The following HSF5 variants were observed in gnomAD, a reference collection of about 807,000 sequenced individuals.
The protein encoded by HSF5 is heat shock transcription factor 5.
Under a neutral mutation model 50.8 loss-of-function variants are expected in HSF5, and 5 were observed. The observed-to-expected ratio is 0.10, with a 90% CI of 0.05 to 0.21. HSF5 has a LOEUF of 0.21. Among genes scored for constraint, HSF5 ranks in the 10% least tolerant of loss-of-function variants. HSF5 has a pLI of 1.00. For missense variants in HSF5, 564 were observed against 762.6 expected (o/e 0.74, Z 3.07); for synonymous variants, 307 against 307.4 (o/e 1.00, Z 0.02).
rs149585316 is a variant in HSF5, at chr17:58,471,901, G to A, written c.926-4922C>T. ...CAGGGTCTTGATCTGTTGCCGAGGC[G>A]GGAGTGCAGTGGCGCGATCTCAGCT... is the stretch of plus-strand genomic sequence containing the variant. On this transcript the variant is annotated intron_variant, in intron 2 of 5. Transcript: ENST00000323777. Among the ~76,000 whole-genome samples, 901 of 152,110 alleles carry A rather than the reference G, an allele frequency of 5.9e-3. 5 individuals are homozygous for A. Among genetic ancestry groups the A allele is most frequent in the African/African-American group, 9.7e-3 (403 of 41,504 alleles).
intron 5 of HSF5, among the ~76,000 whole-genome samples, chr17:58,428,382 A>G (rs1441175597): frequency 1.3e-5 from 2 of 152,138 alleles, no homozygotes; most frequent in African/African-American, 4.8e-5. Flanking sequence ...AATGAAGGCC[A>G]GGCGCGGTGG....
chr17:58,451,621 T>G (rs1792077639), intron 5 of HSF5, among the ~76,000 whole-genome samples: 1 of 152,046 alleles, frequency 6.6e-6, no homozygotes, highest in African/African-American at 2.4e-5. Context: ...AAAGAAAATT[T>G]AAAAATTCCT....
chr17:58,426,714 T>C (rs1391164387), intron 5 of HSF5, among the ~76,000 whole-genome samples: 4 of 152,216 alleles, frequency 2.6e-5, no homozygotes, highest in Non-Finnish European at 5.9e-5. Context: ...ACAATGAGAT[T>C]AATATTTGGG....
At chr17:58,451,626 A>AG (rs1974642738) in intron 5 of HSF5, among the ~76,000 whole-genome samples, 2 of 152,218 alleles carry the variant, frequency 1.3e-5, no homozygotes, top group Non-Finnish European at 1.5e-5. Flanking sequence ...AAATTTAAAA[A>AG]TTCCTTGAGA....
chr17:58,422,575 G>T, intron 5 of HSF5, 145 bp from the exon 6 acceptor site: 1 of 578,508 alleles, frequency 1.7e-6, no homozygotes, highest in East Asian at 3.0e-5. Context: ...CTCAATTTCG[G>T]GATATTCCTG....
At chr17:58,438,244 A>C (rs1974452389) in intron 5 of HSF5, among the ~76,000 whole-genome samples, 1 of 152,222 alleles carries the variant, frequency 6.6e-6, no homozygotes, top group African/African-American at 2.4e-5. Flanking sequence ...ACTGTATTAC[A>C]ATTGCTTACA....
intron 5 of HSF5, among the ~76,000 whole-genome samples, chr17:58,431,777 GTA>G (rs1974368007): frequency 6.6e-6 from 1 of 152,196 alleles, no homozygotes; most frequent in Non-Finnish European, 1.5e-5. Context: ...CAGGCATTCA[GTA>G]AGTACTTGCT....
At chr17:58,429,500 C>T (rs563266424) in intron 5 of HSF5, among the ~76,000 whole-genome samples, 3 of 152,150 alleles carry the variant, frequency 2.0e-5, no homozygotes, top group African/African-American at 7.2e-5. Context: ...TACCACTGCA[C>T]CCCAGCTTGG....
At chr17:58,461,817 C>T (rs1387855451) in intron 4 of HSF5, among the ~76,000 whole-genome samples, 2 of 152,112 alleles carry the variant, frequency 1.3e-5, no homozygotes, top group African/African-American at 4.8e-5. Flanking sequence ...CTGCAGTGAG[C>T]TGAGATTGCA....
intron 3 of HSF5, among the ~76,000 whole-genome samples, chr17:58,466,534 T>A (rs1205461851): frequency 6.6e-6 from 1 of 152,218 alleles, no homozygotes; most frequent in Non-Finnish European, 1.5e-5. Context: ...AAGTATGGAA[T>A]AATTTTTAAA....
At chr17:58,435,031 C>A (rs1974408368) in intron 5 of HSF5, among the ~76,000 whole-genome samples, 2 of 152,042 alleles carry the variant, frequency 1.3e-5, no homozygotes, top group African/African-American at 4.8e-5. Flanking sequence ...TGGAAGTAGA[C>A]TGATAAATAT....
chr17:58,434,117 T>C (rs897811600), intron 5 of HSF5, among the ~76,000 whole-genome samples: 1 of 151,638 alleles, frequency 6.6e-6, no homozygotes, highest in African/African-American at 2.4e-5. Flanking sequence ...TTCACCATAT[T>C]GGCCAGGTTG....
At chr17:58,443,923 C>A (rs1245468356) in intron 5 of HSF5, among the ~76,000 whole-genome samples, 1 of 152,068 alleles carries the variant, frequency 6.6e-6, no homozygotes, top group Non-Finnish European at 1.5e-5. Flanking sequence ...GCAGTTCTTA[C>A]AAGGAGAATG....
chr17:58,437,440 A>T (rs1159279537), intron 5 of HSF5, among the ~76,000 whole-genome samples: 2 of 152,212 alleles, frequency 1.3e-5, no homozygotes, highest in Non-Finnish European at 2.9e-5. Context: ...TAGATTTTTT[A>T]AAATTTGAAA....
At chr17:58,425,575 C>CAAAAAAAAAA (rs66502039) in intron 5 of HSF5, among the ~76,000 whole-genome samples, 24 of 32,986 alleles carry the variant, frequency 7.3e-4, no homozygotes, top group African/African-American at 2.4e-3. Context: ...ACCTCTATCT[C>CAAAAAAAAAA]AAAAAAAAAA....
intron 5 of HSF5, among the ~76,000 whole-genome samples, chr17:58,447,442 T>TA (rs1353756933): frequency 6.6e-6 from 1 of 152,108 alleles, no homozygotes; most frequent in Non-Finnish European, 1.5e-5. Context: ...GCTGTGGGCT[T>TA]AGGGTGTGAT....
At chr17:58,431,695 C>T (rs1456596273) in intron 5 of HSF5, among the ~76,000 whole-genome samples, 1 of 152,178 alleles carries the variant, frequency 6.6e-6, no homozygotes, top group Non-Finnish European at 1.5e-5. Flanking sequence ...ATTCTTGTTT[C>T]CAGCAGAAGA....
intron 5 of HSF5, among the ~76,000 whole-genome samples, chr17:58,428,432 G>C (rs557749225): frequency 6.6e-6 from 1 of 152,216 alleles, no homozygotes; most frequent in African/African-American, 2.4e-5. Context: ...GGCCGAGGTG[G>C]GCAGATCACG....
At chr17:58,437,076 A>G (rs1293613335) in intron 5 of HSF5, among the ~76,000 whole-genome samples, 1 of 152,176 alleles carries the variant, frequency 6.6e-6, no homozygotes, top group Non-Finnish European at 1.5e-5. Context: ...GCTTAAAGGG[A>G]GGAAGAGGTC....
Sources: gnomAD v4.1 joint callset for allele counts (sites outside exome capture counted in the v4.1 genomes callset) on GRCh38, gnomAD v4.1.1 for gene constraint, MANE v1.5 for transcripts, NCBI Gene and HGNC (gene_info 2026-07-23, HGNC 2026-07-21) for gene names.